Variants in NCF4 observed in about 807,000 individuals in gnomAD.
The protein encoded by NCF4 is neutrophil cytosol factor 4.
A neutral mutation model predicts 41.7 loss-of-function variants in NCF4; 30 were observed. The observed-to-expected ratio is 0.72, with a 90% CI of 0.54 to 0.97. The LOEUF (loss-of-function observed/expected upper bound fraction) is 0.97, where lower values mean the gene tolerates loss of function less well. NCF4 is among the 50% of genes least tolerant of loss of function. The pLI is 0.00. For missense variants in NCF4, 432 were observed against 460.9 expected, an observed-to-expected ratio of 0.94 and a Z score of 0.57; for synonymous variants, 195 against 175.8, an observed-to-expected ratio of 1.11 and a Z score of -0.87.
rs1456372317 is a variant in NCF4 at position 36,863,294 on chromosome 22, C to T, written c.33-751C>T. ...TGTTACAGATGGGACTGCATGACCA[C>T]CCGGAGACATAAGTACTTCTCCTGT... On this transcript the variant is annotated intron_variant, in intron 1 of 9. Coordinates refer to ENST00000248899, the MANE Select transcript of NCF4 (RefSeq NM_000631.5). 2.0e-5 allele frequency among the ~76,000 whole-genome samples: 3 copies of T among 152,040 alleles called. No homozygotes were observed. In the East Asian group the frequency reaches 5.8e-4, roughly 29 times the overall value.
At position 36,865,174 on chromosome 22, in the gene NCF4, C is replaced by T. The variant is rs1042051120; in HGVS notation, c.271+102C>T. Reference sequence around the variant, plus strand: ...GATTTGATCTCAACCCCAGTGAAAACTGTTCATGTAGTTTATAGCCCCCAC... The same window carrying T: ...GATTTGATCTCAACCCCAGTGAAAATTGTTCATGTAGTTTATAGCCCCCAC... On this transcript the variant is annotated intron_variant, in intron 3 of 9. Transcript: ENST00000248899. The surrounding 1 kb of genome is among the most constrained non-coding windows in gnomAD (Gnocchi z 4.3). 2.0e-6 allele frequency: 3 copies of T among 1,521,526 alleles called. No individual in the cohort carries two copies. Among genetic ancestry groups the T allele is most frequent in the Non-Finnish European group, 2.7e-6 (3 of 1,120,550 alleles). The allele number at this position is 1,521,526 out of a possible 1,614,324, so 94.3% of individuals were successfully genotyped here.
At chr22:36,863,423 C>T (rs1368478169) in intron 1 of NCF4, among the ~76,000 whole-genome samples, 5 of 151,394 alleles carry the variant, frequency 3.3e-5, no homozygotes, top group African/African-American at 1.2e-4. Flanking sequence ...CGAGCATCTG[C>T]CAATGTCTGT....
At chr22:36,863,450 C>G (rs756577876) in intron 1 of NCF4, among the ~76,000 whole-genome samples, 1 of 150,762 alleles carries the variant, frequency 6.6e-6, no homozygotes. Flanking sequence ...TGACTCCTTC[C>G]TCAGCCCCCA....
chr22:36,871,854 C>T, intron 6 of NCF4, 145 bp downstream of exon 6: 2 of 1,029,390 alleles, frequency 1.9e-6, no homozygotes, highest in South Asian at 1.4e-5. Context: ...GGGTTACAGC[C>T]TCAGCCTCTG....
chr22:36,864,145 A>T lies in NCF4; in HGVS notation c.117+16A>T, dbSNP rs1162496539. The stretch of plus-strand genomic sequence containing the variant: ...CAGCCACTTTGTAAGACAGACTCCT[A>T]GTCCTTCACCCAACAACCTCTGAAC... On this transcript the variant is annotated intron_variant, in intron 2 of 9. Transcript: ENST00000248899. 6.3e-7 allele frequency: 1 copy of T among 1,599,558 alleles called. No individual in the cohort carries two copies. The highest frequency in any genetic ancestry group is 2.2e-5 in the East Asian group (1 of 44,824).
chr22:36,872,525 G>A, intron 7 of NCF4, 100 bp downstream of exon 7: 2 of 975,602 alleles, frequency 2.1e-6, no homozygotes, highest in Non-Finnish European at 3.2e-6. Context: ...TTGGAGGTGA[G>A]GATGAAGGTG....
Position 36,877,769 on chromosome 22 carries a change from G to A in NCF4, c.966G>A (p.Trp322Ter), listed in dbSNP as rs772255576. The change falls in exon 10 of 10, where the codon TGG becomes TGA. Residue 322 changes from tryptophan (W) to a stop codon, truncating the protein, a stop_gained. Coordinates refer to ENST00000248899, the MANE Select transcript of NCF4 (RefSeq NM_000631.5). LOFTEE classifies it high-confidence loss of function. ...GLPSQKRLFPWKLHITQKDNY... is the reference protein window; with the variant it reads ...GLPSQKRLFP ...CCTCCCAGAAGCGCCTCTTCCCCTGGAAGCTGCACATCACGCAGAAGGACA... is the reference window on the plus strand; with the variant it reads ...CCTCCCAGAAGCGCCTCTTCCCCTGAAAGCTGCACATCACGCAGAAGGACA... The A allele has an allele frequency of 3.7e-6, 6 of 1,614,108 alleles. No individual in the cohort carries two copies. Among genetic ancestry groups the A allele is most frequent in the Non-Finnish European group, 4.2e-6 (5 of 1,180,028 alleles).
chr22:36,865,130 G>A lies in NCF4; in HGVS notation c.271+58G>A, dbSNP rs1432201750. The A allele has an allele frequency of 5.7e-6, 9 of 1,592,290 alleles. No individual in the cohort carries two copies. The highest frequency in any genetic ancestry group is 7.7e-6 in the Non-Finnish European group (9 of 1,173,680). On this transcript the variant is annotated intron_variant, in intron 3 of 9. Coordinates refer to ENST00000248899, the MANE Select transcript of NCF4 (RefSeq NM_000631.5). The surrounding 1 kb of genome is among the most constrained non-coding windows in gnomAD (Gnocchi z 4.3). ...GCTGCTGACTCTCCTTCCTTCCAGGGCCCCTGACACTGTTCTGTGATTTGA... is the reference window on the plus strand; with the variant it reads ...GCTGCTGACTCTCCTTCCTTCCAGGACCCCTGACACTGTTCTGTGATTTGA...
chr22:36,869,037 G>A (rs2284027), intron 4 of NCF4, among the ~76,000 whole-genome samples: 2 of 152,120 alleles, frequency 1.3e-5, no homozygotes, highest in African/African-American at 4.8e-5. Flanking sequence ...TGCGTGAAGA[G>A]CTTTGACTGG....
chr22:36,872,529 G>A (rs1940084793), intron 7 of NCF4, 104 bp downstream of exon 7: 3 of 936,268 alleles, frequency 3.2e-6, no homozygotes, highest in Non-Finnish European at 3.3e-6. Context: ...AGGTGAGGAT[G>A]AAGGTGAGGG....
chr22:36,864,897 C>T, intron 2 of NCF4, 22 bp from the exon 3 acceptor site: 3 of 1,613,896 alleles, frequency 1.9e-6, no homozygotes, highest in Non-Finnish European at 8.5e-7. Flanking sequence ...TGAGCCCTCC[C>T]CACAACCTCT....
intron 6 of NCF4, 43 bp from the exon 7 acceptor site, chr22:36,872,284 T>G: frequency 2.1e-6 from 3 of 1,408,358 alleles, no homozygotes; most frequent in Non-Finnish European, 2.0e-6. Flanking sequence ...AGGAACTCAG[T>G]GAGTGTTCTC....
intron 3 of NCF4, among the ~76,000 whole-genome samples, chr22:36,866,915 G>A (rs1394379221): frequency 3.3e-5 from 5 of 152,106 alleles, no homozygotes; most frequent in Non-Finnish European, 1.5e-5. Context: ...CTTGAGAGAT[G>A]GAAAGAATCC....
intron 7 of NCF4, among the ~76,000 whole-genome samples, chr22:36,872,730 A>ATTGGAGGTGAGGTTGGAGGTGAGG (rs1940096302): frequency 2.8e-5 from 1 of 35,618 alleles, no homozygotes; most frequent in Non-Finnish European, 5.5e-5. Context: ...TGGAGGTGAG[A>ATTGGAGGTGAGGTTGGAGGTGAGG]TTGGAGATGA....
intron 7 of NCF4, 47 bp downstream of exon 7, chr22:36,872,472 A>T (rs1185936759): frequency 6.8e-7 from 1 of 1,461,212 alleles, no homozygotes; most frequent in South Asian, 1.2e-5. Context: ...GTGAGGTTGG[A>T]GGGAAATTAA....
chr22:36,865,669 A>G lies in NCF4; in HGVS notation c.271+597A>G, dbSNP rs1020192073. Among the ~76,000 whole-genome samples the G allele has an allele frequency of 2.0e-5, 3 of 152,282 alleles. No individual in the cohort carries two copies. Among genetic ancestry groups the G allele is most frequent in the Non-Finnish European group, 2.9e-5 (2 of 68,004 alleles). ...CTTAGCTGCTCAGCACCTGCCCCGC[A>G]GGAGGAAACCCCATCACGAATGGGT... On this transcript the variant is annotated intron_variant, in intron 3 of 9. Transcript: ENST00000248899. The surrounding 1 kb of genome is among the most constrained non-coding windows in gnomAD (Gnocchi z 4.3).
Position 36,864,974 on chromosome 22 carries a change from G to A in NCF4, c.173G>A (p.Arg58His), listed in dbSNP as rs763314327. The change falls in exon 3 of 10, where the codon CGC becomes CAC. Residue 58 changes from arginine (R) to histidine (H), a missense_variant. Physicochemically the swap from Arg to His is conservative, Grantham distance 29. Coordinates refer to ENST00000248899, the MANE Select transcript of NCF4 (RefSeq NM_000631.5). ...GGATCCAAGTACCTCATCTACCGCC[G>A]CTACCGCCAGTTCCATGCTTTGCAG... ...KGGSKYLIYR[R>H]YRQFHALQSK... The A allele has an allele frequency of 7.4e-6, 12 of 1,613,898 alleles. No homozygotes were observed. Among genetic ancestry groups the A allele is most frequent in the Admixed American group, 6.7e-5 (4 of 59,998 alleles).
Position 36,861,082 on chromosome 22 carries a change from C to A in NCF4, c.-90C>A. 6.6e-7 allele frequency: 1 copy of A among 1,510,858 alleles called. No homozygotes were observed. The allele number at this position is 1,510,858 out of a possible 1,614,324, so 93.6% of individuals were successfully genotyped here. A position where few individuals can be genotyped will look rare whatever the true frequency, so the allele number is the denominator to read the frequency against. ...CCCAGGACCACAGGCTGAGACGAGA[C>A]GCAGGGTGGCTGGAGGAAGTGAGAG... On this transcript the variant is annotated 5_prime_UTR_variant, in exon 1 of 10. Transcript: ENST00000248899.
At chr22:36,871,087 TC>T (rs1050585562) in intron 5 of NCF4, among the ~76,000 whole-genome samples, 2 of 152,166 alleles carry the variant, frequency 1.3e-5, no homozygotes, top group African/African-American at 4.8e-5. Context: ...TACTAAGAAT[TC>T]TGGGAAAAGC....
Sources: gnomAD v4.1 joint callset for allele counts (sites outside exome capture counted in the v4.1 genomes callset) on GRCh38, gnomAD v4.1.1 for gene constraint, Gnocchi (gnomAD v3.1) non-coding constraint, MANE v1.5 for transcripts, NCBI Gene and HGNC (gene_info 2026-07-23, HGNC 2026-07-21) for gene names.